GALM: variants seen among roughly 807,000 people sequenced by gnomAD.
GALM encodes the protein galactose mutarotase.
A neutral mutation model predicts 37.4 loss-of-function variants in GALM; 43 were observed. The ratio of observed to expected loss-of-function variants is 1.15; its 90% CI spans 0.90 to 1.48. GALM has a LOEUF of 1.48. Ranked by LOEUF, GALM falls within the 40% of genes most tolerant of loss-of-function variation. GALM has a pLI of 0.00. For synonymous variants in GALM, 199 were observed against 170.6 expected, an observed-to-expected ratio of 1.17 and a Z score of -1.30; for missense variants, 456 against 419.1, an observed-to-expected ratio of 1.09 and a Z score of -0.77.
chr2:38,708,508 G>A (rs1214435260), intron 4 of GALM, among the ~76,000 whole-genome samples: 5 of 151,978 alleles, frequency 3.3e-5, no homozygotes, highest in African/African-American at 4.8e-5. Flanking sequence ...TTGGGAGGCC[G>A]AGGCGGGCGG....
Position 38,713,662 on chromosome 2 carries a change from G to C in GALM, c.635-15894G>C, listed in dbSNP as rs538742640. Among the ~76,000 whole-genome samples the C allele has an allele frequency of 3.3e-5, 5 of 152,224 alleles. No homozygotes were observed. The East Asian group carries it at 9.6e-4, about 29-fold the overall frequency. On this transcript the variant is annotated intron_variant, in intron 4 of 6. Coordinates refer to ENST00000272252, the MANE Select transcript of GALM (RefSeq NM_138801.3). ...CTCACATTTGTAATCCCAGCACTTT[G>C]GGAGGCCAAGACAGAAGGATTGCTT...
chr2:38,671,828 G>C (rs920519867), intron 1 of GALM, among the ~76,000 whole-genome samples: 1 of 151,746 alleles, frequency 6.6e-6, no homozygotes, highest in Admixed American at 6.6e-5. Flanking sequence ...TCTGTCTCTA[G>C]AAAAAATACA....
chr2:38,710,914 C>A (rs34429547), intron 4 of GALM, among the ~76,000 whole-genome samples: 12,670 of 150,038 alleles, frequency 0.084, 760 homozygotes, highest in East Asian at 0.32. Flanking sequence ...CCACCACACC[C>A]AGCAAATTTT....
At position 38,729,567 on chromosome 2, in the gene GALM, C is replaced by G. The variant is rs1452752595; in HGVS notation, c.646C>G (p.Pro216Ala). The G allele has an allele frequency of 3.1e-6, 5 of 1,613,102 alleles. No individual in the cohort carries two copies. In the South Asian group the frequency reaches 4.4e-5, roughly 14 times the overall value. The change falls in exon 5 of 7, where the codon CCA becomes GCA. Residue 216 changes from proline (P) to alanine (A), a missense_variant. Transcript: ENST00000272252. ...ETLIPTGEVA[P>A]VQGTAFDLRK... ...TCTCTTCCCATCAGGAGAAGTTGCC[C>G]CAGTGCAAGGCACTGCATTCGACCT...
chr2:38,731,329 T>C (rs1159525369), intron 5 of GALM, among the ~76,000 whole-genome samples: 1 of 139,530 alleles, frequency 7.2e-6, no homozygotes, highest in African/African-American at 2.7e-5. Context: ...CCCGGGAGGC[T>C]GAGGTTGCAG....
At chr2:38,730,720 A>C (rs186941120) in intron 5 of GALM, among the ~76,000 whole-genome samples, 34 of 151,856 alleles carry the variant, frequency 2.2e-4, no homozygotes, top group Non-Finnish European at 4.0e-4. Context: ...CAGGAGTTTG[A>C]GACCAGCCTC....
At chr2:38,730,195 C>A (rs1487080292) in intron 5 of GALM, among the ~76,000 whole-genome samples, 5 of 152,230 alleles carry the variant, frequency 3.3e-5, no homozygotes, top group Non-Finnish European at 5.9e-5. Flanking sequence ...TGAAGCCCTA[C>A]CTCTACCCCA....
In GALM at chr2:38,692,106, A is replaced by G. The variant is rs529991750; in HGVS notation, c.634+2212A>G. Among the ~76,000 whole-genome samples, 8 of 152,310 alleles carry G rather than the reference A, an allele frequency of 5.3e-5. No homozygotes were observed. The South Asian group carries it at 6.2e-4, about 12-fold the overall frequency. ...TCTTCAAATCCTTTAGAGCTCTATC[A>G]TTGAAGTAAATAAGTTGCTGCAACT... On this transcript the variant is annotated intron_variant, in intron 4 of 6. Coordinates refer to ENST00000272252, the MANE Select transcript of GALM (RefSeq NM_138801.3).
chr2:38,676,928 C>T (rs191647108), intron 2 of GALM, among the ~76,000 whole-genome samples: 83 of 152,326 alleles, frequency 5.4e-4, no homozygotes, highest in African/African-American at 1.7e-3. Context: ...GTCATTAAGC[C>T]CCCCGCCCCA....
In GALM at chr2:38,666,352, G is replaced by C; in HGVS notation, c.190+1G>C. 6.2e-7 allele frequency: 1 copy of C among 1,610,180 alleles called. No homozygotes were observed. The highest frequency in any genetic ancestry group is 8.5e-7 in the Non-Finnish European group (1 of 1,177,754). ...GTGCTTGGCTTCGCCGAGTTGGAAG[G>C]TGGGTTGAACTGTGCCCTGGGCTGC... On this transcript the variant is annotated splice_donor_variant, in intron 1 of 6. Transcript: ENST00000272252. LOFTEE classifies it high-confidence loss of function.
Position 38,666,269 on chromosome 2 carries a change from G to C in GALM, c.108G>C (p.Trp36Cys), listed in dbSNP as rs770687869. Residue 36 changes from tryptophan to cysteine, a missense_variant, in exon 1 of 7, where the codon TGG becomes TGC. Physicochemically the swap from Trp to Cys is radical, Grantham distance 215. Transcript: ENST00000272252. The stretch of plus-strand genomic sequence containing the variant: ...TCTTGAGAGTGGACATCATCTCCTG[G>C]GGCTGCACGATCACAGCCCTAGAGG... Reference protein sequence around the residue: ...SDLLRVDIISWGCTITALEVK... With the variant: ...SDLLRVDIISCGCTITALEVK... 6.2e-7 allele frequency: 1 copy of C among 1,614,058 alleles called. No individual in the cohort carries two copies. The highest frequency in any genetic ancestry group is 1.1e-5 in the South Asian group (1 of 91,082).
intron 4 of GALM, among the ~76,000 whole-genome samples, chr2:38,691,474 G>A (rs1271049862): frequency 2.0e-5 from 3 of 151,930 alleles, no homozygotes; most frequent in Non-Finnish European, 4.4e-5. Context: ...GAGCCCAGGA[G>A]TTCGAGACCA....
intron 4 of GALM, among the ~76,000 whole-genome samples, chr2:38,726,098 C>G (rs192728059): frequency 2.0e-5 from 3 of 152,246 alleles, no homozygotes; most frequent in Non-Finnish European, 4.4e-5. Flanking sequence ...CTTTGGCTTT[C>G]AAGATCCAAA....
intron 4 of GALM, among the ~76,000 whole-genome samples, chr2:38,704,886 A>G (rs1281522575): frequency 6.6e-6 from 1 of 152,092 alleles, no homozygotes; most frequent in African/African-American, 2.4e-5. Flanking sequence ...ACATTACTGA[A>G]TCCTTCCTGT....
intron 4 of GALM, among the ~76,000 whole-genome samples, chr2:38,716,849 G>C (rs1408972527): frequency 3.3e-5 from 5 of 152,070 alleles, no homozygotes; most frequent in Non-Finnish European, 7.4e-5. Flanking sequence ...AAGAGACCCT[G>C]ACTCTAAAAA....
At chr2:38,688,992 G>A (rs1216846569) in intron 3 of GALM, among the ~76,000 whole-genome samples, 1 of 152,130 alleles carries the variant, frequency 6.6e-6, no homozygotes, top group Non-Finnish European at 1.5e-5. Context: ...GGCTAATTTT[G>A]TATTTTTAGT....
At position 38,681,292 on chromosome 2, in the gene GALM, C is replaced by T; in HGVS notation, c.358C>T (p.Pro120Ser). 2.5e-6 allele frequency: 4 copies of T among 1,613,218 alleles called. No homozygotes were observed. The highest frequency in any genetic ancestry group is 3.4e-6 in the Non-Finnish European group (4 of 1,179,964). ...CACTTTTTTCCAGGTGCTCTGGACCCCTCGGGTGCTGTCAAATGGCGTCCA... is the reference window on the plus strand; with the variant it reads ...CACTTTTTTCCAGGTGCTCTGGACCTCTCGGGTGCTGTCAAATGGCGTCCA... ...VRGFDKVLWT[P>S]RVLSNGVQFS... is the part of the protein sequence containing the mutation. Residue 120 changes from proline (P) to serine (S), a missense_variant, in exon 3 of 7, where the codon CCT (proline) becomes TCT (serine). Physicochemically the swap from Pro to Ser is moderately conservative, Grantham distance 74 (BLOSUM62 -1). Transcript: ENST00000272252.
chr2:38,703,351 C>A (rs1420346684), intron 4 of GALM, among the ~76,000 whole-genome samples: 1 of 151,084 alleles, frequency 6.6e-6, no homozygotes, highest in Admixed American at 6.6e-5. Flanking sequence ...GGTGATCCAC[C>A]CACCTTGGCC....
chr2:38,716,826 G>A (rs995823833), intron 4 of GALM, among the ~76,000 whole-genome samples: 2 of 152,114 alleles, frequency 1.3e-5, no homozygotes, highest in Non-Finnish European at 2.9e-5. Flanking sequence ...CTGCACTGCA[G>A]CCTAGGCAAC....
Sources: allele counts gnomAD v4.1 joint callset (sites outside exome capture counted in the v4.1 genomes callset), GRCh38; gene constraint gnomAD v4.1.1; transcripts MANE v1.5; gene names NCBI Gene and HGNC (gene_info 2026-07-23, HGNC 2026-07-21).